Variants in PALLD observed in about 807,000 individuals in gnomAD.
PALLD encodes the protein palladin, cytoskeletal associated protein.
PALLD carries 61 observed loss-of-function variants against 123.5 expected under a neutral mutation model. That is an observed-to-expected ratio of 0.49 (90% CI 0.40 to 0.61). The LOEUF (loss-of-function observed/expected upper bound fraction) is 0.61. Ranked by LOEUF, PALLD falls within the 20% of genes least tolerant of loss-of-function variation. The probability of loss-of-function intolerance (pLI) is 0.00; values close to 1 mark genes in which losing one functional copy is unlikely to be tolerated. For synonymous variants in PALLD, 465 were observed against 496.4 expected (o/e 0.94, Z 0.84); for missense variants, 1,273 against 1,377.0 (o/e 0.92, Z 1.20).
chr4:168,575,567 A>AT (rs1264541529), intron 2 of PALLD, among the ~76,000 whole-genome samples: 1 of 151,938 alleles, frequency 6.6e-6, no homozygotes, highest in Non-Finnish European at 1.5e-5. Flanking sequence ...CTAACCCCAG[A>AT]TTTTTTATTG....
intron 10 of PALLD, among the ~76,000 whole-genome samples, chr4:168,733,807 T>A (rs1038152664): frequency 6.6e-6 from 1 of 152,212 alleles, no homozygotes; most frequent in Non-Finnish European, 1.5e-5. Context: ...CTATCTTGGC[T>A]CACTGCAAGC....
intron 10 of PALLD, among the ~76,000 whole-genome samples, chr4:168,768,491 C>A (rs1581376835): frequency 6.6e-6 from 1 of 152,250 alleles, no homozygotes; most frequent in East Asian, 1.9e-4. Flanking sequence ...AGGTTCAGGG[C>A]AATTCGTTTC....
chr4:168,773,045 G>C (rs1388273001), intron 10 of PALLD, among the ~76,000 whole-genome samples: 1 of 152,140 alleles, frequency 6.6e-6, no homozygotes, highest in Non-Finnish European at 1.5e-5. Flanking sequence ...CTCCATGCTG[G>C]CTTGTCTCTT....
chr4:168,512,342 C>G lies in PALLD; in HGVS notation c.838C>G (p.Gln280Glu), dbSNP rs894059873. Residue 280 changes from glutamine (Q) to glutamate (E), a missense_variant, in exon 2 of 22, where the codon CAA becomes GAA. Gln to Glu is a conservative substitution (Grantham distance 29). Around this residue, in one of 2 missense-constraint regions of PALLD, gnomAD observed 944 missense variants for 954.5 expected, o/e 0.99. Transcript: ENST00000505667. ...TCGATTCATCCAAAAGCTGAGGAGC[C>G]AAGAAGTAGCAGAAGGGAGCCGAGT... ...APRFIQKLRS[Q>E]EVAEGSRVYL... is the part of the protein sequence containing the mutation. The G allele has an allele frequency of 1.2e-6, 2 of 1,613,956 alleles. No individual in the cohort carries two copies. The highest frequency in any genetic ancestry group is 1.7e-6 in the Non-Finnish European group (2 of 1,180,034).
intron 8 of PALLD, among the ~76,000 whole-genome samples, chr4:168,704,399 C>T (rs1207303958): frequency 1.3e-5 from 2 of 152,050 alleles, no homozygotes; most frequent in African/African-American, 4.8e-5. Flanking sequence ...TGACTGGACG[C>T]GGTGGCTCAC....
At chr4:168,811,776 T>TCTCACACACACA (rs1228399235) in intron 10 of PALLD, among the ~76,000 whole-genome samples, 1 of 143,636 alleles carries the variant, frequency 7.0e-6, no homozygotes, top group African/African-American at 2.6e-5. Flanking sequence ...TCTCTCTCTC[T>TCTCACACACACA]CACACACACA....
chr4:168,589,848 A>G (rs1333083746), intron 2 of PALLD, among the ~76,000 whole-genome samples: 1 of 152,216 alleles, frequency 6.6e-6, no homozygotes, highest in Non-Finnish European at 1.5e-5. Flanking sequence ...TTTTCCTCTC[A>G]TGATCCTCTC....
At position 168,782,213 on chromosome 4, in the gene PALLD, C is replaced by T. The variant is rs144250516; in HGVS notation, c.1964+70290C>T. On this transcript the variant is annotated intron_variant, in intron 10 of 21. Coordinates refer to ENST00000505667, the MANE Select transcript of PALLD (RefSeq NM_001166108.2). ...AACACTGAGGCGCAACAGAACTTCA[C>T]GAAAAGAAACTTTTCAGTGCACCCT... Among the ~76,000 whole-genome samples, 324 of 152,290 alleles carry T rather than the reference C, an allele frequency of 2.1e-3. 1 individual carries two copies. The highest frequency in any genetic ancestry group is 7.2e-3 in the African/African-American group (299 of 41,556).
intron 16 of PALLD, among the ~76,000 whole-genome samples, chr4:168,914,521 A>C (rs556119583): frequency 1.3e-5 from 2 of 152,350 alleles, no homozygotes; most frequent in South Asian, 4.1e-4. Flanking sequence ...CACATTTTAA[A>C]TACTCAGATA....
At chr4:168,847,251 T>G (rs755639827) in intron 10 of PALLD, among the ~76,000 whole-genome samples, 2 of 152,218 alleles carry the variant, frequency 1.3e-5, no homozygotes, top group Non-Finnish European at 2.9e-5. Flanking sequence ...ACAGTACAAA[T>G]TAGTTGTACA....
intron 10 of PALLD, among the ~76,000 whole-genome samples, chr4:168,790,158 CTTTTTTT>C (rs1181288734): frequency 2.4e-4 from 32 of 133,534 alleles, no homozygotes; most frequent in African/African-American, 8.5e-4. Flanking sequence ...TTTGTGGTTT[CTTTTTTT>C]TTTTTTTTTT....
In PALLD at chr4:168,913,960, C is replaced by A; in HGVS notation, c.2656C>A (p.Gln886Lys). 1 of 1,613,142 alleles carries A rather than the reference C, an allele frequency of 6.2e-7. No individual in the cohort carries two copies. Among genetic ancestry groups the A allele is most frequent in the Non-Finnish European group, 8.5e-7 (1 of 1,179,122 alleles). Residue 886 changes from glutamine to lysine, a missense_variant, in exon 16 of 22, where the codon CAG becomes AAG. Gln to Lys is a moderately conservative substitution (Grantham distance 53). Around this residue, in one of 2 missense-constraint regions of PALLD, gnomAD observed 329 missense variants for 422.5 expected, o/e 0.78. Transcript: ENST00000505667. ...CAGTTGTACTGGACGGCTAATGGTA[C>A]AGGCTGTCAACCAAAGAGGTCGAAG... ...RISCTGRLMV[Q>K]AVNQRGRSPR...
chr4:168,805,561 C>CT (rs1179886849), intron 10 of PALLD, among the ~76,000 whole-genome samples: 1 of 152,214 alleles, frequency 6.6e-6, no homozygotes, highest in Non-Finnish European at 1.5e-5. Context: ...ATGCAGGGCT[C>CT]TTGCACAACT....
At chr4:168,595,063 G>A (rs1250566477) in intron 2 of PALLD, among the ~76,000 whole-genome samples, 1 of 152,104 alleles carries the variant, frequency 6.6e-6, no homozygotes, top group Non-Finnish European at 1.5e-5. Context: ...CCAAAGGAAT[G>A]ATAAATGACT....
chr4:168,580,621 G>A (rs144502519), intron 2 of PALLD, among the ~76,000 whole-genome samples: 253 of 152,074 alleles, frequency 1.7e-3, no homozygotes, highest in African/African-American at 5.0e-3. Context: ...TCACATTACC[G>A]GGTATATAGC....
intron 2 of PALLD, among the ~76,000 whole-genome samples, chr4:168,616,196 T>TA (rs1160857781): frequency 9.2e-5 from 14 of 152,212 alleles, no homozygotes; most frequent in African/African-American, 3.4e-4. Flanking sequence ...TCTTTAACTC[T>TA]AACTTGTTTT....
At chr4:168,646,695 A>G (rs1158524455) in intron 2 of PALLD, among the ~76,000 whole-genome samples, 1 of 152,188 alleles carries the variant, frequency 6.6e-6, no homozygotes, top group African/African-American at 2.4e-5. Flanking sequence ...ATTAATTTCT[A>G]TGGCTCCAAG....
intron 10 of PALLD, among the ~76,000 whole-genome samples, chr4:168,739,277 G>T (rs1366366450): frequency 1.3e-5 from 2 of 152,184 alleles, no homozygotes; most frequent in Non-Finnish European, 2.9e-5. Flanking sequence ...CTTTGGATCA[G>T]TACCCGGTGG....
intron 2 of PALLD, among the ~76,000 whole-genome samples, chr4:168,564,843 T>A (rs113067478): frequency 1.3e-5 from 2 of 152,270 alleles, no homozygotes; most frequent in African/African-American, 4.8e-5. Context: ...TCCACCCTCA[T>A]ATTTGCTCCC....
Sources: gnomAD v4.1 joint callset for allele counts (sites outside exome capture counted in the v4.1 genomes callset) on GRCh38, gnomAD v4.1.1 for gene constraint, gnomAD v4.1.1 regional missense constraint, MANE v1.5 for transcripts, NCBI Gene and HGNC (gene_info 2026-07-23, HGNC 2026-07-21) for gene names.